Variants in SLC22A3 observed in about 807,000 individuals in gnomAD.
The protein encoded by SLC22A3 is EMT organic cation transporter 3.
Under a neutral mutation model 59.1 loss-of-function variants are expected in SLC22A3, and 51 were observed. The ratio of observed to expected loss-of-function variants is 0.86; its 90% confidence interval spans 0.69 to 1.09. The LOEUF is 1.09. Ranked by LOEUF, SLC22A3 falls within the 50% of genes least tolerant of loss-of-function variation. The pLI is 0.00. For missense variants in SLC22A3, 711 were observed against 726.3 expected, an observed-to-expected ratio of 0.98 and a Z score of 0.24; for synonymous variants, 325 against 292.0, an observed-to-expected ratio of 1.11 and a Z score of -1.15.
At chr6:160,403,393 GAATCA>G (rs1786870772) in intron 2 of SLC22A3, among the ~76,000 whole-genome samples, 1 of 151,754 alleles carries the variant, frequency 6.6e-6, no homozygotes, top group African/African-American at 2.4e-5. Flanking sequence ...TAAATAAATT[GAATCA>G]ATAGTTAATT....
chr6:160,380,835 A>T (rs1391897832), intron 1 of SLC22A3, among the ~76,000 whole-genome samples: 1 of 152,234 alleles, frequency 6.6e-6, no homozygotes, highest in Non-Finnish European at 1.5e-5. Flanking sequence ...CATTTTAGAG[A>T]TTAAAAATAC....
At position 160,378,557 on chromosome 6, in the gene SLC22A3, C is replaced by T. The variant is rs778084771; in HGVS notation, c.430-19422C>T. On this transcript the variant is annotated intron_variant, in intron 1 of 10. Transcript: ENST00000275300. ...CAGATATGGTGGCCCTTATCCTCCA[C>T]CTTAGAATTTCTTTTCGTGGAATGT... 4.6e-5 allele frequency among the ~76,000 whole-genome samples: 7 copies of T among 152,162 alleles called. No individual in the cohort carries two copies. In the South Asian group the frequency reaches 6.2e-4, roughly 14 times the overall value.
intron 5 of SLC22A3, among the ~76,000 whole-genome samples, chr6:160,420,219 A>G (rs999293372): frequency 7.9e-5 from 12 of 152,166 alleles, no homozygotes; most frequent in African/African-American, 2.9e-4. Context: ...TGAAATGGAA[A>G]TTCAATTTAA....
At chr6:160,404,489 C>T (rs1583482682) in intron 2 of SLC22A3, among the ~76,000 whole-genome samples, 3 of 151,978 alleles carry the variant, frequency 2.0e-5, no homozygotes, top group Non-Finnish European at 4.4e-5. Context: ...GATAGGAAGA[C>T]TCAATATTGT....
At chr6:160,435,932 C>A (rs898416551) in intron 5 of SLC22A3, among the ~76,000 whole-genome samples, 1 of 152,110 alleles carries the variant, frequency 6.6e-6, no homozygotes, top group African/African-American at 2.4e-5. Flanking sequence ...AGCTCCAGAC[C>A]CACAGGGGAG....
intron 1 of SLC22A3, among the ~76,000 whole-genome samples, chr6:160,394,264 A>G (rs1324207730): frequency 6.6e-6 from 1 of 152,236 alleles, no homozygotes; most frequent in African/African-American, 2.4e-5. Context: ...CCCATTGACA[A>G]GAGGTGGGTT....
At chr6:160,404,992 T>C (rs1252171799) in intron 2 of SLC22A3, among the ~76,000 whole-genome samples, 1 of 151,310 alleles carries the variant, frequency 6.6e-6, no homozygotes, top group African/African-American at 2.4e-5. Flanking sequence ...AAAATCTAGA[T>C]GACCTTTTAG....
chr6:160,361,129 A>G (rs1017131626), intron 1 of SLC22A3, among the ~76,000 whole-genome samples: 53 of 152,324 alleles, frequency 3.5e-4, no homozygotes, highest in African/African-American at 1.3e-3. Context: ...TACAATAAGG[A>G]TGGCCTCATA....
Position 160,407,069 on chromosome 6 carries a change from T to C in SLC22A3, c.562T>C (p.Ser188Pro), listed in dbSNP as rs1438064050. 1.2e-6 allele frequency: 2 copies of C among 1,613,302 alleles called. No homozygotes were observed. The highest frequency in any genetic ancestry group is 1.7e-6 in the Non-Finnish European group (2 of 1,179,538). ...RYGRIVIYLL[S>P]CLGVGVTGVV... is the part of the protein sequence containing the mutation. Reference sequence around the variant, plus strand: ...TGGCAGGATCGTCATTTACTTGCTATCCTGCCTTGGTGTTGGCGTCACTGG... The same window carrying C: ...TGGCAGGATCGTCATTTACTTGCTACCCTGCCTTGGTGTTGGCGTCACTGG... The change falls in exon 3 of 11, where the codon TCC becomes CCC. Residue 188 changes from serine to proline, a missense_variant. By Grantham distance (74) the Ser-to-Pro change is moderately conservative (BLOSUM62 -1). Transcript: ENST00000275300.
In SLC22A3 at chr6:160,451,170, A is replaced by G; in HGVS notation, c.*114A>G. The G allele has an allele frequency of 1.1e-6, 1 of 902,938 alleles. No individual in the cohort carries two copies. The allele number at this position is 902,938 out of a possible 1,614,324, so 55.9% of individuals were successfully genotyped here. A position where few individuals can be genotyped will look rare whatever the true frequency, so the allele number is the denominator to read the frequency against. On this transcript the variant is annotated 3_prime_UTR_variant, in exon 11 of 11. Coordinates refer to ENST00000275300, the MANE Select transcript of SLC22A3 (RefSeq NM_021977.4). ...CAGCTACATCATGCCGCGCTGTTGTAATACTGTATAAAGACCTCAATCTAT... is the reference window on the plus strand; with the variant it reads ...CAGCTACATCATGCCGCGCTGTTGTGATACTGTATAAAGACCTCAATCTAT...
intron 3 of SLC22A3, 92 bp from the exon 4 acceptor site, chr6:160,408,661 T>C (rs1282603923): frequency 4.1e-6 from 5 of 1,233,084 alleles, no homozygotes; most frequent in African/African-American, 1.5e-5. Flanking sequence ...GCAATGCTGA[T>C]GGATGTAACA....
At chr6:160,360,754 T>C (rs1416541535) in intron 1 of SLC22A3, among the ~76,000 whole-genome samples, 13 of 152,146 alleles carry the variant, frequency 8.5e-5, no homozygotes, top group Admixed American at 8.5e-4. Flanking sequence ...ATGATTTGTA[T>C]TTATTAACTC....
chr6:160,430,138 T>C (rs1788098494), intron 5 of SLC22A3, among the ~76,000 whole-genome samples: 1 of 152,040 alleles, frequency 6.6e-6, no homozygotes, highest in African/African-American at 2.4e-5. Context: ...TATGTATCTA[T>C]ATAGACAGAT....
At chr6:160,348,974 T>A in intron 1 of SLC22A3, 126 bp downstream of exon 1, 4 of 1,518,168 alleles carry the variant, frequency 2.6e-6, no homozygotes, top group Non-Finnish European at 3.5e-6. Context: ...GTCGGCTACC[T>A]CTGGGGACAG....
At chr6:160,382,782 G>T (rs1287402963) in intron 1 of SLC22A3, among the ~76,000 whole-genome samples, 1 of 152,030 alleles carries the variant, frequency 6.6e-6, no homozygotes, top group African/African-American at 2.4e-5. Context: ...CAACCAAAGG[G>T]CATTAAAAGA....
intron 1 of SLC22A3, among the ~76,000 whole-genome samples, chr6:160,375,819 C>T (rs1785568173): frequency 6.6e-6 from 1 of 152,024 alleles, no homozygotes; most frequent in Admixed American, 6.6e-5. Flanking sequence ...TTTCTTTGTT[C>T]ATGGCTGTTC....
At chr6:160,404,439 G>T (rs1195762054) in intron 2 of SLC22A3, among the ~76,000 whole-genome samples, 1 of 152,076 alleles carries the variant, frequency 6.6e-6, no homozygotes, top group African/African-American at 2.4e-5. Flanking sequence ...AAAGAAATTA[G>T]AGATGATCTA....
chr6:160,419,175 T>A (rs866262216), intron 5 of SLC22A3, among the ~76,000 whole-genome samples: 3 of 152,222 alleles, frequency 2.0e-5, no homozygotes, highest in Admixed American at 2.0e-4. Flanking sequence ...TGATTTTTTT[T>A]ATTACCTTAG....
intron 1 of SLC22A3, among the ~76,000 whole-genome samples, chr6:160,380,489 A>C (rs1785756232): frequency 6.6e-6 from 1 of 152,190 alleles, no homozygotes; most frequent in Non-Finnish European, 1.5e-5. Context: ...TCACAGACTC[A>C]CAAATCATAT....
Sources: gnomAD v4.1 joint callset for allele counts (sites outside exome capture counted in the v4.1 genomes callset) on GRCh38, gnomAD v4.1.1 for gene constraint, MANE v1.5 for transcripts, NCBI Gene and HGNC (gene_info 2026-07-23, HGNC 2026-07-21) for gene names.